NTRK2: variants seen among roughly 807,000 people sequenced by gnomAD.
NTRK2 encodes the protein neurotrophic receptor tyrosine kinase 2.
NTRK2 carries 13 observed loss-of-function variants against 94.5 expected under a neutral mutation model. That is an observed-to-expected ratio of 0.14 (90% CI 0.09 to 0.22). NTRK2 has a LOEUF of 0.22. Among genes scored for constraint, NTRK2 ranks in the 10% least tolerant of loss-of-function variants. NTRK2 has a pLI of 1.00. For missense variants in NTRK2, 639 were observed against 1,071.2 expected, an observed-to-expected ratio of 0.60 and a Z score of 5.63; for synonymous variants, 372 against 407.4, an observed-to-expected ratio of 0.91 and a Z score of 1.05.
chr9:84,811,354 A>G (rs1254787126), intron 12 of NTRK2: 1 of 1,065,686 alleles, frequency 9.4e-7, no homozygotes, highest in Non-Finnish European at 1.1e-6. Flanking sequence ...ACAAGCAGCA[A>G]CAGCTGTTTT....
rs1310115259 is a variant in NTRK2 at position 84,702,529 on chromosome 9, TATAGCTGTGATA to T, written c.359+117_359+128del. 9.7e-6 allele frequency: 9 copies of T among 928,032 alleles called. No individual in the cohort carries two copies. In the African/African-American group the frequency reaches 1.5e-4, roughly 15 times the overall value. The allele number at this position is 928,032 out of a possible 1,614,324, so 57.5% of individuals were successfully genotyped here. ...TTGAAACCTCCCTTTTTAAAGTTAG[TATAGCTGTGATA>T]ATAGCTTAGAAACATTAGCTCTGAT... On this transcript the variant is annotated intron_variant, in intron 4 of 18. Transcript: ENST00000277120.
chr9:84,916,792 T>A (rs569103653), intron 14 of NTRK2, among the ~76,000 whole-genome samples: 2 of 152,248 alleles, frequency 1.3e-5, no homozygotes, highest in Non-Finnish European at 2.9e-5. Flanking sequence ...TAGGCTTAGC[T>A]GATCTATATT....
intron 17 of NTRK2, among the ~76,000 whole-genome samples, chr9:85,012,019 C>G (rs983265239): frequency 5.0e-5 from 3 of 60,026 alleles, no homozygotes; most frequent in Admixed American, 3.6e-4. Flanking sequence ...GATGGAGTCT[C>G]ACTCTGTCAC....
intron 2 of NTRK2, among the ~76,000 whole-genome samples, chr9:84,671,555 T>C (rs1250224697): frequency 6.6e-6 from 1 of 152,184 alleles, no homozygotes; most frequent in Non-Finnish European, 1.5e-5. Context: ...TGAAATGCAC[T>C]CGCTCAAAAG....
At chr9:84,798,225 C>T (rs765923121) in intron 12 of NTRK2, among the ~76,000 whole-genome samples, 2 of 151,950 alleles carry the variant, frequency 1.3e-5, no homozygotes, top group Admixed American at 6.6e-5. Flanking sequence ...TTTGTGAGGA[C>T]ATTAATTTCA....
chr9:84,940,699 C>G (rs1485641093), intron 15 of NTRK2, among the ~76,000 whole-genome samples: 1 of 150,634 alleles, frequency 6.6e-6, no homozygotes, highest in Non-Finnish European at 1.5e-5. Flanking sequence ...TAAGGGCTCA[C>G]AAGAAAAGCA....
intron 13 of NTRK2, 91 bp downstream of exon 13, chr9:84,861,178 G>T: frequency 2.0e-6 from 2 of 988,470 alleles, no homozygotes; most frequent in Non-Finnish European, 3.1e-6. Flanking sequence ...ACATTCCACG[G>T]TCTTTGATTC....
At chr9:84,796,080 C>T (rs2069292721) in intron 12 of NTRK2, among the ~76,000 whole-genome samples, 1 of 152,064 alleles carries the variant, frequency 6.6e-6, no homozygotes, top group African/African-American at 2.4e-5. Context: ...ATTGCATTAG[C>T]TACTGCAACC....
chr9:85,021,254 G>A lies in NTRK2; in HGVS notation c.2334G>A (p.Val778=). Residue 778 remains valine, a splice_region_variant and synonymous_variant, in exon 19 of 19, where the codon GTG becomes GTA. Transcript: ENST00000277120. ...TCCTATCTTTGATCTCCATCCAGGT[G>A]ATAGAGTGTATCACTCAGGGCCGAG... is the stretch of plus-strand genomic sequence containing the variant. ...QPWYQLSNNE[V]IECITQGRVL... 6.2e-7 allele frequency: 1 copy of A among 1,613,892 alleles called. No homozygotes were observed. The highest frequency in any genetic ancestry group is 8.5e-7 in the Non-Finnish European group (1 of 1,179,890).
chr9:84,959,570 C>A (rs572049311), intron 17 of NTRK2, among the ~76,000 whole-genome samples: 1 of 152,348 alleles, frequency 6.6e-6, no homozygotes, highest in East Asian at 1.9e-4. Context: ...GGCGTCCACC[C>A]TGTTGCAGCT....
intron 14 of NTRK2, chr9:84,873,946 G>T (rs986333612): frequency 3.8e-6 from 4 of 1,062,644 alleles, no homozygotes; most frequent in Non-Finnish European, 4.6e-6. Context: ...CCTCATCATC[G>T]GCCAACCAAG....
At chr9:84,720,653 AG>A (rs1197015339) in intron 6 of NTRK2, among the ~76,000 whole-genome samples, 1 of 152,216 alleles carries the variant, frequency 6.6e-6, no homozygotes, top group Admixed American at 6.5e-5. Context: ...TAAACACAAA[AG>A]CACCAAAGAG....
At chr9:84,702,320 A>G in intron 3 of NTRK2, 28 bp from the exon 4 acceptor site, 1 of 1,612,760 alleles carries the variant, frequency 6.2e-7, no homozygotes, top group Non-Finnish European at 8.5e-7. Flanking sequence ...GTTCGTTCTA[A>G]TGTGCATGAA....
intron 12 of NTRK2, among the ~76,000 whole-genome samples, chr9:84,829,061 C>T (rs375348283): frequency 4.0e-5 from 6 of 151,882 alleles, no homozygotes; most frequent in African/African-American, 1.5e-4. Flanking sequence ...TGCAGTGGCA[C>T]GATCTCAGTT....
chr9:84,888,228 T>G (rs945513417), intron 14 of NTRK2, among the ~76,000 whole-genome samples: 1 of 152,170 alleles, frequency 6.6e-6, no homozygotes, highest in Non-Finnish European at 1.5e-5. Context: ...TTTTGAGACT[T>G]GCCATCTGCT....
chr9:84,853,778 C>T (rs997399778), intron 12 of NTRK2, among the ~76,000 whole-genome samples: 1 of 152,190 alleles, frequency 6.6e-6, no homozygotes, highest in Non-Finnish European at 1.5e-5. Context: ...CCACTCATGA[C>T]TCTGCATAAG....
intron 12 of NTRK2, among the ~76,000 whole-genome samples, chr9:84,776,168 TATAAA>T (rs2067017850): frequency 8.7e-5 from 2 of 22,988 alleles, no homozygotes; most frequent in Non-Finnish European, 1.3e-4. Flanking sequence ...TAGATATAGA[TATAAA>T]TATAAATATA....
chr9:84,984,773 G>A (rs142709143), intron 17 of NTRK2, among the ~76,000 whole-genome samples: 17 of 152,340 alleles, frequency 1.1e-4, no homozygotes, highest in Non-Finnish European at 2.4e-4. Flanking sequence ...GTACAGAGCC[G>A]TAGGTTCGTG....
intron 13 of NTRK2, among the ~76,000 whole-genome samples, chr9:84,861,351 G>A (rs1418051366): frequency 6.6e-6 from 1 of 152,134 alleles, no homozygotes; most frequent in African/African-American, 2.4e-5. Context: ...TCCAGTTCTA[G>A]TTTGTGATGC....
Sources: allele counts gnomAD v4.1 joint callset (sites outside exome capture counted in the v4.1 genomes callset), GRCh38; gene constraint gnomAD v4.1.1; transcripts MANE v1.5; gene names NCBI Gene and HGNC (gene_info 2026-07-23, HGNC 2026-07-21).